JAML: variants seen among roughly 807,000 people sequenced by gnomAD.
JAML encodes the protein junction adhesion molecule like.
A neutral mutation model predicts 39.3 loss-of-function variants in JAML; 25 were observed. The observed-to-expected ratio is 0.64, with a 90% CI of 0.46 to 0.89. JAML has a LOEUF of 0.89. Among genes scored for constraint, JAML ranks in the 40% least tolerant of loss-of-function variants. The pLI is 0.00. For missense variants in JAML, 440 were observed against 486.9 expected (o/e 0.90, Z 0.91); for synonymous variants, 162 against 179.2 (o/e 0.90, Z 0.77).
intron 2 of JAML, 115 bp downstream of exon 2, chr11:118,214,709 G>A (rs1591479527): frequency 9.3e-7 from 1 of 1,071,808 alleles, no homozygotes; most frequent in East Asian, 2.4e-5. Flanking sequence ...TCCACATTAG[G>A]GTTTCCATCT....
intron 1 of JAML, among the ~76,000 whole-genome samples, chr11:118,223,710 C>T (rs1267191095): frequency 6.6e-6 from 1 of 151,974 alleles, no homozygotes; most frequent in African/African-American, 2.4e-5. Context: ...CTTGTAGTGA[C>T]TCTATACTAA....
At chr11:118,213,245 A>T in intron 2 of JAML, 1 of 1,224,092 alleles carries the variant, frequency 8.2e-7, no homozygotes, top group South Asian at 2.5e-5. Context: ...ACAAGAAAAA[A>T]CCATTACATG....
At chr11:118,206,606 A>T (rs1031003523) in intron 4 of JAML, among the ~76,000 whole-genome samples, 7 of 152,152 alleles carry the variant, frequency 4.6e-5, no homozygotes, top group Non-Finnish European at 1.0e-4. Context: ...TACAAGTCAC[A>T]GGACTCCTTG....
At chr11:118,218,307 G>T (rs1046289654) in intron 1 of JAML, among the ~76,000 whole-genome samples, 3 of 152,104 alleles carry the variant, frequency 2.0e-5, no homozygotes, top group African/African-American at 7.2e-5. Context: ...TGGCCAGGCT[G>T]GTCTCAAACT....
chr11:118,206,493 T>C (rs967232649), intron 4 of JAML, among the ~76,000 whole-genome samples: 1 of 152,218 alleles, frequency 6.6e-6, no homozygotes, highest in Non-Finnish European at 1.5e-5. Context: ...CATTCTTATA[T>C]TTAACCCACT....
intron 5 of JAML, 117 bp from the exon 6 acceptor site, chr11:118,203,782 G>A (rs914809581): frequency 1.2e-6 from 1 of 813,262 alleles, no homozygotes; most frequent in South Asian, 1.5e-5. Context: ...AAGGCAGTAA[G>A]GGTATTATCA....
intron 6 of JAML, 125 bp downstream of exon 6, chr11:118,203,303 T>G: frequency 1.1e-6 from 1 of 875,298 alleles, no homozygotes; most frequent in Non-Finnish European, 1.9e-6. Context: ...AAGGCCAGAG[T>G]CAGCACCTGA....
intron 1 of JAML, among the ~76,000 whole-genome samples, chr11:118,220,616 C>T (rs570803567): frequency 1.3e-5 from 2 of 151,642 alleles, no homozygotes; most frequent in East Asian, 3.9e-4. Context: ...TCTTTTATAA[C>T]CAAGAGCAGA....
At chr11:118,221,336 G>C (rs1006872019) in intron 1 of JAML, among the ~76,000 whole-genome samples, 12 of 152,216 alleles carry the variant, frequency 7.9e-5, no homozygotes, top group African/African-American at 2.9e-4. Context: ...CAATCTTTTT[G>C]GCACCGGGGA....
chr11:118,197,039 C>T (rs1200635225), intron 8 of JAML: 1 of 467,336 alleles, frequency 2.1e-6, no homozygotes, highest in East Asian at 3.9e-5. Flanking sequence ...AAACTCTTTG[C>T]TTCAAAAGCC....
chr11:118,209,152 G>T (rs4938489), intron 4 of JAML: 110,171 of 288,534 alleles, frequency 0.38, 26,878 homozygotes, highest in South Asian at 0.49. Context: ...GAAGCATAAT[G>T]CCTCCTTTGG....
At position 118,200,177 on chromosome 11, in the gene JAML, T is replaced by G. The variant is rs185558013; in HGVS notation, c.911+297A>C. Among the ~76,000 whole-genome samples, 206 of 152,286 alleles carry G rather than the reference T, an allele frequency of 1.4e-3. 2 individuals are homozygous for G. The highest frequency in any genetic ancestry group is 3.0e-3 in the Admixed American group (46 of 15,290). ...ATCTTTTAGGCAGTGAATGGTACCA[T>G]GATAGTTCTTGTGTAAGATTTATGC... is the stretch of plus-strand genomic sequence containing the variant. On this transcript the variant is annotated intron_variant, in intron 7 of 9. Transcript: ENST00000356289.
chr11:118,199,914 T>G (rs1948742162), intron 7 of JAML, among the ~76,000 whole-genome samples: 1 of 152,010 alleles, frequency 6.6e-6, no homozygotes, highest in South Asian at 2.1e-4. Context: ...GCAAGGATGG[T>G]CTCGATCTCC....
At position 118,194,332 on chromosome 11, in the gene JAML, G is replaced by C; in HGVS notation, c.1178C>G (p.Ala393Gly). ...AGGGACTCTCCATTCTTCTCAAAAG[G>C]CTTGCTGTGTTTTTGGCATTCCCCC... ...SGGGMPKTQQ[A>G]F Residue 393 changes from alanine (A) to glycine (G), a missense_variant, in exon 10 of 10, where the codon GCC (alanine) becomes GGC (glycine). Transcript: ENST00000356289. 2 of 1,613,624 alleles carry C rather than the reference G, an allele frequency of 1.2e-6. No individual in the cohort carries two copies. The highest frequency in any genetic ancestry group is 1.7e-5 in the Admixed American group (1 of 60,012).
chr11:118,215,186 TA>T (rs1230077896), intron 1 of JAML, among the ~76,000 whole-genome samples: 2 of 152,128 alleles, frequency 1.3e-5, no homozygotes, highest in African/African-American at 4.8e-5. Context: ...AGATTGGCCA[TA>T]AGGGAAGATT....
Position 118,212,469 on chromosome 11 carries a change from T to G in JAML, c.136A>C (p.Ser46Arg), listed in dbSNP as rs767018748. The G allele has an allele frequency of 6.2e-7, 1 of 1,614,174 alleles. No homozygotes were observed. The highest frequency in any genetic ancestry group is 8.5e-7 in the Non-Finnish European group (1 of 1,180,020). Residue 46 changes from serine to arginine, a missense_variant, in exon 3 of 10, where the codon AGC becomes CGC. Physicochemically the swap from Ser to Arg is moderately radical, Grantham distance 110. Transcript: ENST00000356289. ...TTGAATATACATTTGTCTTCTGTGC[T>G]CTGGAAAACACATCCCATCAGAGCT... is the stretch of plus-strand genomic sequence containing the variant. ...DSALMGCVFQ[S>R]TEDKCIFKID...
At chr11:118,194,512 C>T (rs1015652729) in intron 9 of JAML, 95 bp from the exon 10 acceptor site, 25 of 939,732 alleles carry the variant, frequency 2.7e-5, no homozygotes, top group South Asian at 1.6e-4. Context: ...CTCATGAGCC[C>T]GGCCCAGTAC....
chr11:118,196,720 C>A lies in JAML; in HGVS notation c.1092+15G>T. The A allele has an allele frequency of 6.2e-7, 1 of 1,603,146 alleles. No individual in the cohort carries two copies. The highest frequency in any genetic ancestry group is 1.1e-5 in the South Asian group (1 of 90,824). On this transcript the variant is annotated intron_variant, in intron 9 of 9. Transcript: ENST00000356289. ...CTCTGACACCTGGCTCAGCTGAGGC[C>A]AGAATCATTCTCACCATGGTCATGT...
intron 3 of JAML, 54 bp from the exon 4 acceptor site, chr11:118,210,766 C>G (rs1404759792): frequency 1.4e-6 from 2 of 1,466,420 alleles, no homozygotes; most frequent in Non-Finnish European, 1.9e-6. Flanking sequence ...GACCGAGGAG[C>G]CTGGATCCCA....
Sources: allele counts gnomAD v4.1 joint callset (sites outside exome capture counted in the v4.1 genomes callset), GRCh38; gene constraint gnomAD v4.1.1; transcripts MANE v1.5; gene names NCBI Gene and HGNC (gene_info 2026-07-23, HGNC 2026-07-21).